NME7: variants seen among roughly 807,000 people sequenced by gnomAD.
NME7 encodes the protein nucleoside diphosphate kinase 7.
NME7 carries 41 observed loss-of-function variants against 49.1 expected under a neutral mutation model. The ratio of observed to expected loss-of-function variants is 0.83; its 90% CI spans 0.65 to 1.08. The LOEUF is 1.08. NME7 is among the 50% of genes least tolerant of loss of function. The pLI, the probability that NME7 is intolerant of heterozygous loss-of-function variation, is 0.00. For missense variants in NME7, 423 were observed against 463.4 expected (o/e 0.91, Z 0.80); for synonymous variants, 139 against 150.6 (o/e 0.92, Z 0.56).
rs547801546 is a variant in NME7 at position 169,291,152 on chromosome 1, A to G, written c.649-3744T>C. 1.8e-3 allele frequency among the ~76,000 whole-genome samples: 272 copies of G among 152,270 alleles called. 2 individuals are homozygous for G. Among genetic ancestry groups the G allele is most frequent in the African/African-American group, 6.4e-3 (264 of 41,554 alleles). The stretch of plus-strand genomic sequence containing the variant: ...AAATAGCATTTGACCCAGCAATCCC[A>G]TTTCTGGATATACACCCAAAGGATT... On this transcript the variant is annotated intron_variant, in intron 6 of 11. Transcript: ENST00000367811.
At chr1:169,347,055 A>G (rs1214777369) in intron 1 of NME7, among the ~76,000 whole-genome samples, 2 of 152,146 alleles carry the variant, frequency 1.3e-5, no homozygotes, top group Non-Finnish European at 2.9e-5. Context: ...TTGTAATAAT[A>G]TGTGTTATAG....
chr1:169,292,073 C>A (rs12029853), intron 6 of NME7, among the ~76,000 whole-genome samples: 15,683 of 151,894 alleles, frequency 0.1, 855 homozygotes, highest in Admixed American at 0.12. Flanking sequence ...AACAAAGGTG[C>A]AAAAGCAATT....
intron 10 of NME7, chr1:169,190,654 G>A (rs751612278): frequency 1.4e-5 from 6 of 443,964 alleles, no homozygotes; most frequent in South Asian, 9.6e-5. Context: ...GAACAGAGAT[G>A]TCTTCTTTAG....
intron 11 of NME7, among the ~76,000 whole-genome samples, chr1:169,154,796 T>TA (rs762299673): frequency 0.024 from 3,288 of 134,542 alleles, 98 homozygotes; most frequent in African/African-American, 0.074. Context: ...AGACTCTGTC[T>TA]AAAAAAAAAA....
chr1:169,323,999 A>G (rs1465666812), intron 2 of NME7, among the ~76,000 whole-genome samples: 2 of 151,820 alleles, frequency 1.3e-5, no homozygotes, highest in African/African-American at 4.8e-5. Flanking sequence ...GATTACAGGC[A>G]TGTGCCACCA....
At chr1:169,317,921 C>T (rs1010252701) in intron 3 of NME7, among the ~76,000 whole-genome samples, 2 of 152,124 alleles carry the variant, frequency 1.3e-5, no homozygotes, top group African/African-American at 4.8e-5. Context: ...ATTTGTGGCC[C>T]GACCTCTTTT....
intron 10 of NME7, among the ~76,000 whole-genome samples, chr1:169,214,871 C>T (rs1660932339): frequency 6.6e-6 from 1 of 152,216 alleles, no homozygotes; most frequent in Non-Finnish European, 1.5e-5. Flanking sequence ...TGTTACAATG[C>T]TCTCTTAGCT....
At chr1:169,224,751 T>C (rs1315874224) in intron 10 of NME7, among the ~76,000 whole-genome samples, 14 of 152,152 alleles carry the variant, frequency 9.2e-5, no homozygotes. Context: ...CAACTATTTA[T>C]CAAGTGTTTT....
intron 10 of NME7, among the ~76,000 whole-genome samples, chr1:169,181,516 A>G (rs1003050583): frequency 2.0e-5 from 3 of 152,044 alleles, no homozygotes; most frequent in African/African-American, 7.2e-5. Flanking sequence ...CTAGGTCAGG[A>G]AACTTCCTTC....
At chr1:169,301,707 G>GTA (rs3060581) in intron 5 of NME7, among the ~76,000 whole-genome samples, 23 of 151,590 alleles carry the variant, frequency 1.5e-4, no homozygotes, top group Middle Eastern at 3.4e-3. Context: ...AGAAAATGTG[G>GTA]TATATATATA....
rs1351164985 is a variant in NME7, at chr1:169,220,052, C to T, written c.990+10666G>A. On this transcript the variant is annotated intron_variant, in intron 10 of 11. Coordinates refer to ENST00000367811, the MANE Select transcript of NME7 (RefSeq NM_013330.5). The stretch of plus-strand genomic sequence containing the variant: ...TTTTCACAAATCATGAGTTTGAACA[C>T]GGACTTACATTTCAGTTACGCATGT... Among the ~76,000 whole-genome samples the T allele has an allele frequency of 5.9e-5, 9 of 152,134 alleles. No individual in the cohort carries two copies. The South Asian group carries it at 6.2e-4, about 11-fold the overall frequency.
At chr1:169,337,425 G>A (rs1410164665) in intron 1 of NME7, among the ~76,000 whole-genome samples, 4 of 152,168 alleles carry the variant, frequency 2.6e-5, no homozygotes, top group Non-Finnish European at 4.4e-5. Context: ...GCCCGCAAGC[G>A]CCGCACACAG....
At chr1:169,334,532 C>T (rs562131253) in intron 1 of NME7, among the ~76,000 whole-genome samples, 19 of 152,196 alleles carry the variant, frequency 1.2e-4, no homozygotes, top group East Asian at 9.6e-4. Context: ...GAAACTGGAA[C>T]GCTTCCTTAC....
chr1:169,195,819 T>G (rs1660365070), intron 10 of NME7, among the ~76,000 whole-genome samples: 1 of 152,216 alleles, frequency 6.6e-6, no homozygotes, highest in Admixed American at 6.5e-5. Context: ...CCAAAAATCC[T>G]TTCCTTCCAA....
intron 6 of NME7, among the ~76,000 whole-genome samples, chr1:169,288,794 T>G (rs993465117): frequency 6.6e-6 from 1 of 152,152 alleles, no homozygotes; most frequent in African/African-American, 2.4e-5. Context: ...ACTACCCCTT[T>G]TAGTCCTATA....
chr1:169,329,185 A>AAC (rs1652171464), intron 1 of NME7, among the ~76,000 whole-genome samples: 1 of 151,428 alleles, frequency 6.6e-6, no homozygotes, highest in African/African-American at 2.4e-5. Flanking sequence ...ACAACAACAA[A>AAC]AAAAAAATCT....
chr1:169,321,961 T>C (rs1271097234), intron 3 of NME7, among the ~76,000 whole-genome samples: 1 of 151,948 alleles, frequency 6.6e-6, no homozygotes, highest in Non-Finnish European at 1.5e-5. Flanking sequence ...CCCCAAACCA[T>C]ACAAAGTATA....
At chr1:169,179,551 A>G (rs1659865434) in intron 10 of NME7, among the ~76,000 whole-genome samples, 1 of 152,232 alleles carries the variant, frequency 6.6e-6, no homozygotes, top group African/African-American at 2.4e-5. Context: ...AAGACATAGA[A>G]TCAACCTAAA....
intron 1 of NME7, among the ~76,000 whole-genome samples, chr1:169,339,974 C>T (rs1170264187): frequency 6.6e-6 from 1 of 152,152 alleles, no homozygotes; most frequent in Non-Finnish European, 1.5e-5. Flanking sequence ...GTAGTTCTCT[C>T]CATTTTCCCT....
Sources: allele counts gnomAD v4.1 joint callset (sites outside exome capture counted in the v4.1 genomes callset), GRCh38; gene constraint gnomAD v4.1.1; transcripts MANE v1.5; gene names NCBI Gene and HGNC (gene_info 2026-07-23, HGNC 2026-07-21).